Variants in DLG1 observed in about 807,000 individuals in gnomAD.
DLG1 encodes discs large MAGUK scaffold protein 1, also known as disks large homolog 1.
Under a neutral mutation model 123.4 loss-of-function variants are expected in DLG1, and 42 were observed. That is an observed-to-expected ratio of 0.34 (90% CI 0.27 to 0.44). The LOEUF is 0.44. Among genes scored for constraint, DLG1 ranks in the 20% least tolerant of loss-of-function variants. DLG1 has a pLI of 1.00. For missense variants in DLG1, 942 were observed against 1,082.6 expected, an observed-to-expected ratio of 0.87 and a Z score of 1.82; for synonymous variants, 317 against 356.2, an observed-to-expected ratio of 0.89 and a Z score of 1.24.
At chr3:197,259,575 A>G (rs951653892) in intron 4 of DLG1, among the ~76,000 whole-genome samples, 3 of 152,238 alleles carry the variant, frequency 2.0e-5, no homozygotes, top group Admixed American at 6.5e-5. Context: ...AAATTATTCC[A>G]TATTTTAAAA....
chr3:197,083,225 A>G (rs182461278), intron 16 of DLG1, among the ~76,000 whole-genome samples: 3 of 152,328 alleles, frequency 2.0e-5, no homozygotes, highest in Non-Finnish European at 2.9e-5. Context: ...TTATAATTTA[A>G]TAATATTACT....
At chr3:197,062,754 T>C (rs1008112870) in intron 22 of DLG1, among the ~76,000 whole-genome samples, 5 of 152,196 alleles carry the variant, frequency 3.3e-5, no homozygotes, top group African/African-American at 1.2e-4. Context: ...CATGGCTTAT[T>C]CAGTGTTATT....
chr3:197,135,806 T>C (rs1320366976), intron 10 of DLG1, among the ~76,000 whole-genome samples: 1 of 147,780 alleles, frequency 6.8e-6, no homozygotes, highest in Non-Finnish European at 1.5e-5. Context: ...GGCATATGTA[T>C]ATAATTAAAC....
At chr3:197,186,165 T>C (rs1231189878) in intron 5 of DLG1, among the ~76,000 whole-genome samples, 1 of 152,168 alleles carries the variant, frequency 6.6e-6, no homozygotes, top group African/African-American at 2.4e-5. Context: ...CAGTAGTCAG[T>C]ATATGCACAC....
At chr3:197,069,399 T>A in intron 18 of DLG1, 139 bp from the exon 19 acceptor site, 1 of 496,836 alleles carries the variant, frequency 2.0e-6, no homozygotes, top group Non-Finnish European at 3.5e-6. Context: ...TTGAAACGTT[T>A]AAGTTTTTCA....
At chr3:197,191,002 T>A (rs1489622624) in intron 5 of DLG1, among the ~76,000 whole-genome samples, 1 of 151,836 alleles carries the variant, frequency 6.6e-6, no homozygotes, top group Non-Finnish European at 1.5e-5. Context: ...AGAGCGAGAC[T>A]TCAACTCAAA....
At chr3:197,168,196 T>C (rs1192875065) in intron 5 of DLG1, among the ~76,000 whole-genome samples, 2 of 152,188 alleles carry the variant, frequency 1.3e-5, no homozygotes, top group Non-Finnish European at 2.9e-5. Context: ...TTTAAAAAAA[T>C]TCCCAGTTTA....
intron 10 of DLG1, among the ~76,000 whole-genome samples, chr3:197,132,402 T>C (rs1182485275): frequency 6.6e-6 from 1 of 152,226 alleles, no homozygotes. Flanking sequence ...AATTTGTACC[T>C]TTATAGTTGA....
chr3:197,154,008 T>TA (rs200225412), intron 5 of DLG1, among the ~76,000 whole-genome samples: 14 of 151,222 alleles, frequency 9.3e-5, no homozygotes, highest in African/African-American at 1.2e-4. Flanking sequence ...AACTGTTCCT[T>TA]AAAAAAAAAT....
At chr3:197,261,715 T>C (rs1348986323) in intron 4 of DLG1, among the ~76,000 whole-genome samples, 1 of 152,186 alleles carries the variant, frequency 6.6e-6, no homozygotes, top group Non-Finnish European at 1.5e-5. Flanking sequence ...ATAGATACCA[T>C]TTGGTAGAAC....
chr3:197,148,505 T>C (rs1257619843), intron 6 of DLG1, among the ~76,000 whole-genome samples: 3 of 151,408 alleles, frequency 2.0e-5, no homozygotes, highest in African/African-American at 7.3e-5. Flanking sequence ...AAGAACATTA[T>C]TGAAAGGAAT....
chr3:197,127,924 AC>A (rs1227509065), intron 11 of DLG1, among the ~76,000 whole-genome samples: 1 of 145,976 alleles, frequency 6.9e-6, no homozygotes. Context: ...CTAAAAAAAA[AC>A]CGCTAGCAAT....
intron 13 of DLG1, 91 bp downstream of exon 13, chr3:197,115,829 ATCCCCAT>A (rs907728376): frequency 1.7e-6 from 2 of 1,162,378 alleles, no homozygotes; most frequent in African/African-American, 3.2e-5. Flanking sequence ...TAACCAAGAT[ATCCCCAT>A]TACTTTAGGA....
At chr3:197,148,911 A>AC (rs1284730497) in intron 6 of DLG1, among the ~76,000 whole-genome samples, 7 of 152,198 alleles carry the variant, frequency 4.6e-5, no homozygotes, top group African/African-American at 1.7e-4. Context: ...GTATATTTTT[A>AC]CCCCATACTG....
At chr3:197,066,342 G>A (rs74375783) in intron 20 of DLG1, among the ~76,000 whole-genome samples, 6,141 of 152,012 alleles carry the variant, frequency 0.04, 177 homozygotes, top group Non-Finnish European at 0.054. Context: ...AGAAAGAAGT[G>A]GGATAAACAG....
At chr3:197,077,939 TATTC>T (rs1369638479) in intron 17 of DLG1, among the ~76,000 whole-genome samples, 3 of 152,116 alleles carry the variant, frequency 2.0e-5, no homozygotes, top group South Asian at 4.1e-4. Flanking sequence ...GATGCTGTAT[TATTC>T]ATTATTTTGA....
At chr3:197,141,722 T>C (rs761750537) in intron 7 of DLG1, among the ~76,000 whole-genome samples, 2 of 152,058 alleles carry the variant, frequency 1.3e-5, no homozygotes, top group Non-Finnish European at 2.9e-5. Context: ...TGAATGCAGA[T>C]ATTCTTTTTT....
At chr3:197,056,619 A>T (rs963675372) in intron 23 of DLG1, among the ~76,000 whole-genome samples, 5 of 152,190 alleles carry the variant, frequency 3.3e-5, no homozygotes, top group Admixed American at 3.3e-4. Context: ...TAGATTATTT[A>T]GGTTTTCTAT....
At chr3:197,140,547 T>C (rs1214921535) in intron 7 of DLG1, among the ~76,000 whole-genome samples, 1 of 152,202 alleles carries the variant, frequency 6.6e-6, no homozygotes, top group Non-Finnish European at 1.5e-5. Context: ...GTCGTTGGAT[T>C]AGTCACCCAT....
Sources: gnomAD v4.1 joint callset for allele counts (sites outside exome capture counted in the v4.1 genomes callset) on GRCh38, gnomAD v4.1.1 for gene constraint, MANE v1.5 for transcripts, NCBI Gene and HGNC (gene_info 2026-07-23, HGNC 2026-07-21) for gene names.